Variants in PRKAA1 observed in about 807,000 individuals in gnomAD.
PRKAA1 encodes the protein 5'-AMP-activated protein kinase catalytic subunit alpha-1.
Under a neutral mutation model 56.9 loss-of-function variants are expected in PRKAA1, and 23 were observed. The ratio of observed to expected loss-of-function variants is 0.40; its 90% CI spans 0.29 to 0.57. The LOEUF (loss-of-function observed/expected upper bound fraction) is 0.57, where lower values mean the gene tolerates loss of function less well. PRKAA1 is among the 20% of genes least tolerant of loss of function. The pLI, the probability that PRKAA1 is intolerant of heterozygous loss-of-function variation, is 0.39. For missense variants in PRKAA1, 413 were observed against 679.7 expected (o/e 0.61, Z 4.36); for synonymous variants, 226 against 227.0 (o/e 1.00, Z 0.04).
intron 1 of PRKAA1, among the ~76,000 whole-genome samples, chr5:40,790,532 T>C (rs1464020176): frequency 6.6e-6 from 1 of 151,638 alleles, no homozygotes; most frequent in East Asian, 1.9e-4. Context: ...TTTCTTTTTT[T>C]TTTTTTTTGT....
At position 40,774,386 on chromosome 5, in the gene PRKAA1, A is replaced by G. The variant is rs59028526; in HGVS notation, c.363+1024T>C. On this transcript the variant is annotated intron_variant, in intron 3 of 8. Coordinates refer to ENST00000397128, the MANE Select transcript of PRKAA1 (RefSeq NM_006251.6). ...AGACTAAAAAAATGAAAATTTCAGA[A>G]AATAAGAAACTTTTGAAATAGAAAA... 1.6e-3 allele frequency among the ~76,000 whole-genome samples: 247 copies of G among 152,300 alleles called. 1 individual carries two copies. The highest frequency in any genetic ancestry group is 5.8e-3 in the African/African-American group (243 of 41,568).
intron 1 of PRKAA1, among the ~76,000 whole-genome samples, chr5:40,793,390 A>G (rs1287735062): frequency 6.6e-6 from 1 of 152,240 alleles, no homozygotes; most frequent in African/African-American, 2.4e-5. Context: ...TCAAAATGCT[A>G]CCACTAAGTA....
chr5:40,767,509 G>A lies in PRKAA1; in HGVS notation c.778C>T (p.Leu260=). ...GCCCTCTTCATGGGATCCACCTGCAGCATATGTTTCAAAAGGCTAATCACA... is the reference window on the plus strand; with the variant it reads ...GCCCTCTTCATGGGATCCACCTGCAACATATGTTTCAAAAGGCTAATCACA... ...PSVISLLKHM[L]QVDPMKRATI... The change falls in exon 6 of 9, where the codon CTG becomes TTG. Residue 260 remains leucine (L), a synonymous_variant. Coordinates refer to ENST00000397128, the MANE Select transcript of PRKAA1 (RefSeq NM_006251.6). 6.2e-7 allele frequency: 1 copy of A among 1,613,488 alleles called. No homozygotes were observed. The highest frequency in any genetic ancestry group is 8.5e-7 in the Non-Finnish European group (1 of 1,179,698).
In PRKAA1 at chr5:40,774,894, T is replaced by A. The variant is rs1258442464; in HGVS notation, c.363+516A>T. 4 of 1,529,584 alleles carry A rather than the reference T, an allele frequency of 2.6e-6. No homozygotes were observed. In the African/African-American group the frequency reaches 5.5e-5, roughly 21 times the overall value. 94.8% of individuals were successfully genotyped at this position (1,529,584 alleles called of 1,614,324 possible). ...TGTTCAAAATGTCCTACAAAGTTCC[T>A]TCCAGCTGTAAATTCTTTATATCTA... On this transcript the variant is annotated intron_variant, in intron 3 of 8. Coordinates refer to ENST00000397128, the MANE Select transcript of PRKAA1 (RefSeq NM_006251.6).
intron 1 of PRKAA1, among the ~76,000 whole-genome samples, chr5:40,777,799 G>C (rs548642842): frequency 6.6e-6 from 1 of 152,218 alleles, no homozygotes; most frequent in East Asian, 1.9e-4. Flanking sequence ...ATGGCCGGGA[G>C]CGGTGGCTCA....
chr5:40,775,359 G>T, intron 3 of PRKAA1, 51 bp downstream of exon 3: 1 of 1,399,338 alleles, frequency 7.1e-7, no homozygotes. Context: ...TGCTAGTAAA[G>T]GATAAAGGGG....
intron 1 of PRKAA1, among the ~76,000 whole-genome samples, chr5:40,792,925 G>A (rs1016297536): frequency 6.6e-6 from 1 of 151,818 alleles, no homozygotes; most frequent in Non-Finnish European, 1.5e-5. Flanking sequence ...AAAATAGCTG[G>A]GCGTAGTGGT....
chr5:40,763,752 T>C (rs1050646110), intron 8 of PRKAA1, among the ~76,000 whole-genome samples: 2 of 152,184 alleles, frequency 1.3e-5, no homozygotes, highest in African/African-American at 4.8e-5. Context: ...TGTTAGCAGA[T>C]ACGTACTATA....
intron 1 of PRKAA1, among the ~76,000 whole-genome samples, chr5:40,781,022 G>C (rs997350989): frequency 2.0e-5 from 3 of 152,028 alleles, no homozygotes; most frequent in Admixed American, 6.5e-5. Context: ...ACAATAAAAA[G>C]GCAATCGGTT....
chr5:40,786,457 T>A (rs1215815602), intron 1 of PRKAA1, among the ~76,000 whole-genome samples: 1 of 152,030 alleles, frequency 6.6e-6, no homozygotes, highest in East Asian at 1.9e-4. Context: ...ATAGTTAGTT[T>A]ATCAGTTGAA....
chr5:40,786,385 A>C (rs1024412797), intron 1 of PRKAA1, among the ~76,000 whole-genome samples: 2 of 152,092 alleles, frequency 1.3e-5, no homozygotes, highest in African/African-American at 4.8e-5. Flanking sequence ...GGCAAAGAAT[A>C]ATTTTCTGTT....
intron 1 of PRKAA1, among the ~76,000 whole-genome samples, chr5:40,788,082 G>T (rs1009856584): frequency 2.0e-5 from 3 of 152,148 alleles, no homozygotes; most frequent in African/African-American, 7.2e-5. Flanking sequence ...GGTCCAAAGA[G>T]AACAAAGCTG....
chr5:40,786,604 C>T (rs1270079925), intron 1 of PRKAA1, among the ~76,000 whole-genome samples: 1 of 151,250 alleles, frequency 6.6e-6, no homozygotes, highest in Non-Finnish European at 1.5e-5. Context: ...AGAAGACAGG[C>T]CACTGGAAAT....
intron 5 of PRKAA1, chr5:40,768,340 C>G: frequency 2.7e-6 from 2 of 748,446 alleles, no homozygotes; most frequent in Non-Finnish European, 3.3e-6. Flanking sequence ...AGACTTTATC[C>G]AAACTAGAAA....
chr5:40,791,985 T>G (rs886547054), intron 1 of PRKAA1, among the ~76,000 whole-genome samples: 2 of 152,254 alleles, frequency 1.3e-5, no homozygotes, highest in Non-Finnish European at 2.9e-5. Flanking sequence ...TTTACAAATG[T>G]CATTGCATAT....
chr5:40,783,890 A>G (rs1002557687), intron 1 of PRKAA1, among the ~76,000 whole-genome samples: 6 of 152,228 alleles, frequency 3.9e-5, no homozygotes, highest in African/African-American at 1.4e-4. Context: ...TATGTATACA[A>G]AGCATAGATT....
At chr5:40,763,098 T>C in intron 8 of PRKAA1, 76 bp from the exon 9 acceptor site, 2 of 1,493,880 alleles carry the variant, frequency 1.3e-6, no homozygotes, top group African/African-American at 2.8e-5. Flanking sequence ...TTGAATTTGC[T>C]TCTTTAAGTG....
At position 40,764,585 on chromosome 5, in the gene PRKAA1, T is replaced by C. The variant is rs1357593691; in HGVS notation, c.1364A>G (p.Tyr455Cys). 15 of 1,613,510 alleles carry C rather than the reference T, an allele frequency of 9.3e-6. No homozygotes were observed. Among genetic ancestry groups the C allele is most frequent in the African/African-American group, 1.3e-5 (1 of 74,908 alleles). The change falls in exon 8 of 9, where the codon TAC (tyrosine) becomes TGC (cysteine). Residue 455 changes from tyrosine to cysteine, a missense_variant. Coordinates refer to ENST00000397128, the MANE Select transcript of PRKAA1 (RefSeq NM_006251.6). ...VRRKNPVTST[Y>C]SKMSLQLYQV... ...GTATAACTGTAGACTCATTTTGGAG[T>C]AAGTGCTTGTCACAGGATTCTTCCT...
chr5:40,772,068 C>T (rs1476572938), intron 3 of PRKAA1, among the ~76,000 whole-genome samples: 1 of 152,202 alleles, frequency 6.6e-6, no homozygotes. Context: ...ATCAGTAACT[C>T]AAGTTTCTAA....
Sources: gnomAD v4.1 joint callset for allele counts (sites outside exome capture counted in the v4.1 genomes callset) on GRCh38, gnomAD v4.1.1 for gene constraint, MANE v1.5 for transcripts, NCBI Gene and HGNC (gene_info 2026-07-23, HGNC 2026-07-21) for gene names.